MAGI1: variants seen among roughly 807,000 people sequenced by gnomAD.
MAGI1 encodes the protein membrane associated guanylate kinase, WW and PDZ domain containing 1.
Under a neutral mutation model 139.9 loss-of-function variants are expected in MAGI1, and 58 were observed. The observed-to-expected ratio is 0.41, with a 90% CI of 0.34 to 0.52. The LOEUF (loss-of-function observed/expected upper bound fraction) is 0.52. Among genes scored for constraint, MAGI1 ranks in the 20% least tolerant of loss-of-function variants. MAGI1 has a pLI of 0.12. For synonymous variants in MAGI1, 812 were observed against 737.9 expected (o/e 1.10, Z -1.63); for missense variants, 1,874 against 1,901.6 (o/e 0.99, Z 0.27).
At chr3:65,697,189 C>T (rs1354731666) in intron 1 of MAGI1, among the ~76,000 whole-genome samples, 2 of 152,020 alleles carry the variant, frequency 1.3e-5, no homozygotes, top group Admixed American at 6.6e-5. Flanking sequence ...AGTTGAATCT[C>T]TGAATAGACC....
At chr3:65,969,447 C>T (rs139822878) in intron 1 of MAGI1, among the ~76,000 whole-genome samples, 31 of 152,272 alleles carry the variant, frequency 2.0e-4, no homozygotes, top group African/African-American at 7.5e-4. Context: ...AAAATATCTC[C>T]AGATATTGCC....
chr3:65,424,429 T>C (rs1946858606), intron 12 of MAGI1, among the ~76,000 whole-genome samples: 1 of 152,190 alleles, frequency 6.6e-6, no homozygotes, highest in Admixed American at 6.5e-5. Context: ...AACACATTAC[T>C]GCTCTCTAGG....
At chr3:65,447,158 C>A (rs1387808863) in intron 7 of MAGI1, among the ~76,000 whole-genome samples, 1 of 152,164 alleles carries the variant, frequency 6.6e-6, no homozygotes, top group African/African-American at 2.4e-5. Flanking sequence ...AAGAATCTTC[C>A]ATCAGCCGAG....
intron 1 of MAGI1, among the ~76,000 whole-genome samples, chr3:65,914,548 G>T (rs2061811531): frequency 6.6e-6 from 1 of 152,172 alleles, no homozygotes; most frequent in South Asian, 2.1e-4. Flanking sequence ...TTAAAACACA[G>T]TGCTGACTCT....
chr3:65,962,864 A>C (rs2064515635), intron 1 of MAGI1, among the ~76,000 whole-genome samples: 1 of 150,462 alleles, frequency 6.6e-6, no homozygotes, highest in Non-Finnish European at 1.5e-5. Flanking sequence ...GAAGAAAAAG[A>C]AGAAGAAGAG....
At chr3:65,879,258 T>C (rs978237963) in intron 1 of MAGI1, among the ~76,000 whole-genome samples, 9 of 152,084 alleles carry the variant, frequency 5.9e-5, no homozygotes, top group Admixed American at 5.9e-4. Flanking sequence ...TTAAGTTCGC[T>C]GGGAGTCCCA....
At chr3:65,690,444 A>C (rs1419629769) in intron 1 of MAGI1, among the ~76,000 whole-genome samples, 1 of 152,088 alleles carries the variant, frequency 6.6e-6, no homozygotes. Flanking sequence ...GAATTTTTTT[A>C]GTCAAAAACA....
Position 65,437,197 on chromosome 3 carries a change from G to T in MAGI1, c.1321C>A (p.Pro441Thr). 6.2e-7 allele frequency: 1 copy of T among 1,612,402 alleles called. No homozygotes were observed. The highest frequency in any genetic ancestry group is 8.5e-7 in the Non-Finnish European group (1 of 1,178,660). The stretch of plus-strand genomic sequence containing the variant: ...CTGGCTGGCTCTGGATTGCTTGGAG[G>T]GTGGTTTGGAATAACAGGAGGCACA... ...ALVPPVIPNH[P>T]PSNPEPAREV... The change falls in exon 10 of 23, where the codon CCT becomes ACT. Residue 441 changes from proline (P) to threonine (T), a missense_variant. By Grantham distance (38) the Pro-to-Thr change is conservative. This residue lies in a region of MAGI1 where 648 missense variants were observed against 598.1 expected (regional missense o/e 1.08). Transcript: ENST00000402939.
intron 1 of MAGI1, among the ~76,000 whole-genome samples, chr3:65,763,763 A>G (rs2037235282): frequency 6.6e-6 from 1 of 151,908 alleles, no homozygotes; most frequent in Non-Finnish European, 1.5e-5. Flanking sequence ...AAAAAAAAAA[A>G]AGAAATAAAT....
At chr3:65,861,735 G>A (rs1006412359) in intron 1 of MAGI1, among the ~76,000 whole-genome samples, 7 of 152,106 alleles carry the variant, frequency 4.6e-5, no homozygotes, top group East Asian at 1.9e-4. Context: ...AAAGACACTC[G>A]TACAATGAAG....
chr3:65,459,208 G>C (rs1454299410), intron 5 of MAGI1, among the ~76,000 whole-genome samples: 2 of 152,092 alleles, frequency 1.3e-5, no homozygotes, highest in African/African-American at 2.4e-5. Context: ...CTACATCTCT[G>C]TACTATTATT....
Position 65,984,870 on chromosome 3 carries a change from GATTA to G in MAGI1, c.313+53122_313+53125del, listed in dbSNP as rs2065800477. Among the ~76,000 whole-genome samples, 7 of 152,092 alleles carry G rather than the reference GATTA, an allele frequency of 4.6e-5. No individual in the cohort carries two copies. In the South Asian group the frequency reaches 1.5e-3, roughly 32 times the overall value. ...GGCACAAAATACCATTTCATTCTCA[GATTA>G]ATTTTGTACCATGGAGACAAGGGGA... On this transcript the variant is annotated intron_variant, in intron 1 of 22. Coordinates refer to ENST00000402939, the MANE Select transcript of MAGI1 (RefSeq NM_001033057.2).
At chr3:65,670,363 C>T (rs2047538) in intron 1 of MAGI1, among the ~76,000 whole-genome samples, 129,233 of 151,236 alleles carry the variant, frequency 0.85, 55,417 homozygotes, top group East Asian at 0.96. Flanking sequence ...TATATATATA[C>T]ACATAAGTGC....
chr3:65,846,976 C>CTAAAAAAAA (rs767647561), intron 1 of MAGI1, among the ~76,000 whole-genome samples: 1 of 80,988 alleles, frequency 1.2e-5, no homozygotes, highest in Non-Finnish European at 2.4e-5. Context: ...CAATGTCTTA[C>CTAAAAAAAA]AAAAAAAAAA....
chr3:65,526,779 T>C (rs959616316), intron 2 of MAGI1, among the ~76,000 whole-genome samples: 5 of 152,134 alleles, frequency 3.3e-5, no homozygotes, highest in Middle Eastern at 3.2e-3. Flanking sequence ...TCAACTGACA[T>C]TGTGGGTAAC....
chr3:65,557,430 A>C (rs895436377), intron 2 of MAGI1, among the ~76,000 whole-genome samples: 1 of 152,132 alleles, frequency 6.6e-6, no homozygotes, highest in African/African-American at 2.4e-5. Flanking sequence ...TCCCTGCCTG[A>C]CAGCCAGCTG....
At chr3:65,893,720 C>G (rs1209563425) in intron 1 of MAGI1, 1 of 152,206 alleles carries the variant, frequency 6.6e-6, no homozygotes, top group African/African-American at 2.4e-5. Context: ...TTATCTACTG[C>G]TGCGTAATAA....
At chr3:65,751,683 G>A (rs1245146547) in intron 1 of MAGI1, among the ~76,000 whole-genome samples, 2 of 152,224 alleles carry the variant, frequency 1.3e-5, no homozygotes, top group African/African-American at 4.8e-5. Context: ...AATGTGGGCA[G>A]TGTGTATGTA....
intron 1 of MAGI1, among the ~76,000 whole-genome samples, chr3:65,851,447 T>TA (rs768191777): frequency 4.6e-5 from 7 of 151,492 alleles, no homozygotes; most frequent in East Asian, 1.9e-4. Context: ...GCAAACTAAA[T>TA]AAAAAAAAAT....
Sources: allele counts gnomAD v4.1 joint callset (sites outside exome capture counted in the v4.1 genomes callset), GRCh38; gene constraint gnomAD v4.1.1; regional missense constraint gnomAD v4.1.1; transcripts MANE v1.5; gene names NCBI Gene and HGNC (gene_info 2026-07-23, HGNC 2026-07-21).